The following STK32B variants were observed in gnomAD, a reference collection of about 807,000 sequenced individuals.
STK32B encodes serine/threonine-protein kinase 32B.
Under a neutral mutation model 52.6 loss-of-function variants are expected in STK32B, and 43 were observed. The ratio of observed to expected loss-of-function variants is 0.82; its 90% confidence interval spans 0.64 to 1.05. The LOEUF is 1.05. Ranked by LOEUF, STK32B falls within the 50% of genes least tolerant of loss-of-function variation. The pLI, the probability that STK32B is intolerant of heterozygous loss-of-function variation, is 0.00. For synonymous variants in STK32B, 238 were observed against 204.3 expected (o/e 1.17, Z -1.41); for missense variants, 621 against 534.6 (o/e 1.16, Z -1.59).
chr4:5,302,561 T>C, intron 3 of STK32B, among the ~76,000 whole-genome samples: 1 of 152,148 alleles, frequency 6.6e-6, no homozygotes, highest in East Asian at 1.9e-4. Flanking sequence ...AACCATTTAC[T>C]GAAAATATCA....
intron 1 of STK32B, among the ~76,000 whole-genome samples, chr4:5,053,065 T>G (rs998087546): frequency 6.6e-6 from 1 of 152,220 alleles, no homozygotes; most frequent in Non-Finnish European, 1.5e-5. Flanking sequence ...GGATGGCTTC[T>G]AGAACTCCCA....
At chr4:5,365,819 C>T (rs1193819806) in intron 4 of STK32B, among the ~76,000 whole-genome samples, 2 of 152,148 alleles carry the variant, frequency 1.3e-5, no homozygotes, top group African/African-American at 4.8e-5. Flanking sequence ...AAGTTACAAA[C>T]GCGAGCGTGC....
intron 4 of STK32B, among the ~76,000 whole-genome samples, chr4:5,353,581 C>G (rs1259711841): frequency 1.3e-5 from 2 of 151,476 alleles, no homozygotes; most frequent in Non-Finnish European, 2.9e-5. Flanking sequence ...GGGCAAATGA[C>G]ATGAATAGAT....
At chr4:5,099,457 C>CGCACGT (rs1553823557) in intron 1 of STK32B, among the ~76,000 whole-genome samples, 8 of 146,172 alleles carry the variant, frequency 5.5e-5, no homozygotes, top group Non-Finnish European at 8.9e-5. Context: ...TGTGCGCGCG[C>CGCACGT]GCGTATGTGA....
At chr4:5,169,409 C>G (rs527652350) in intron 3 of STK32B, among the ~76,000 whole-genome samples, 1 of 152,196 alleles carries the variant, frequency 6.6e-6, no homozygotes, top group African/African-American at 2.4e-5. Context: ...GACCCACTGA[C>G]CTTAAGAGTT....
At position 5,074,676 on chromosome 4, in the gene STK32B, T is replaced by G. The variant is rs1711975585; in HGVS notation, c.52+22761T>G. Among the ~76,000 whole-genome samples the G allele has an allele frequency of 2.0e-5, 3 of 152,282 alleles. No homozygotes were observed. The South Asian group carries it at 6.2e-4, about 32-fold the overall frequency. On this transcript the variant is annotated intron_variant, in intron 1 of 11. Coordinates refer to ENST00000282908, the MANE Select transcript of STK32B (RefSeq NM_018401.3). ...CTAGCATTATCATTTCAGAATGTTTTAATGAATATTACGCTATTTTATTCA... is the reference window on the plus strand; with the variant it reads ...CTAGCATTATCATTTCAGAATGTTTGAATGAATATTACGCTATTTTATTCA...
chr4:5,429,881 T>G (rs1713425870), intron 6 of STK32B, among the ~76,000 whole-genome samples: 1 of 152,110 alleles, frequency 6.6e-6, no homozygotes, highest in African/African-American at 2.4e-5. Flanking sequence ...TTTTTTTTCC[T>G]TAGTCACTTA....
intron 11 of STK32B, among the ~76,000 whole-genome samples, chr4:5,488,911 A>C (rs552663414): frequency 6.6e-6 from 1 of 152,052 alleles, no homozygotes; most frequent in African/African-American, 2.4e-5. Flanking sequence ...AATATATTTT[A>C]TGTCTGTCTT....
At chr4:5,181,366 A>G (rs891791079) in intron 3 of STK32B, among the ~76,000 whole-genome samples, 8 of 98,408 alleles carry the variant, frequency 8.1e-5, no homozygotes, top group Admixed American at 1.9e-4. Context: ...ACACACACAC[A>G]CAGAGATCTC....
chr4:5,128,595 G>A (rs1165339272), intron 1 of STK32B, among the ~76,000 whole-genome samples: 2 of 152,198 alleles, frequency 1.3e-5, no homozygotes, highest in African/African-American at 4.8e-5. Flanking sequence ...AGAAAGCAAA[G>A]CAGTTTTTAA....
intron 3 of STK32B, among the ~76,000 whole-genome samples, chr4:5,188,607 T>A (rs1323390605): frequency 6.6e-6 from 1 of 152,178 alleles, no homozygotes; most frequent in African/African-American, 2.4e-5. Context: ...CTCTTAAAAT[T>A]GTAAGCTGCT....
chr4:5,436,521 G>C, intron 6 of STK32B: 1 of 893,532 alleles, frequency 1.1e-6, no homozygotes. Context: ...TGACTCTCTG[G>C]TCAGCAGTGA....
intron 4 of STK32B, among the ~76,000 whole-genome samples, chr4:5,344,907 C>G (rs779598670): frequency 6.6e-6 from 1 of 151,906 alleles, no homozygotes; most frequent in African/African-American, 2.4e-5. Flanking sequence ...GGCAACATGG[C>G]AAAAACCCAT....
At chr4:5,401,083 A>C (rs544142523) in intron 5 of STK32B, among the ~76,000 whole-genome samples, 1 of 152,316 alleles carries the variant, frequency 6.6e-6, no homozygotes, top group Admixed American at 6.5e-5. Flanking sequence ...GAACTGCAGA[A>C]ACAAGAGGGG....
chr4:5,307,649 T>C (rs1267550449), intron 3 of STK32B, among the ~76,000 whole-genome samples: 1 of 152,006 alleles, frequency 6.6e-6, no homozygotes, highest in African/African-American at 2.4e-5. Flanking sequence ...TTCATTTGGA[T>C]CTATTGCTGG....
At chr4:5,266,527 G>A (rs28628294) in intron 3 of STK32B, among the ~76,000 whole-genome samples, 10,561 of 152,200 alleles carry the variant, frequency 0.069, 440 homozygotes, top group East Asian at 0.11. Flanking sequence ...GTGAACTCCG[G>A]GAAAAGGTGA....
intron 3 of STK32B, among the ~76,000 whole-genome samples, chr4:5,274,043 C>T (rs1282742355): frequency 3.3e-5 from 5 of 152,000 alleles, no homozygotes; most frequent in African/African-American, 4.8e-5. Flanking sequence ...CTCAATATTG[C>T]TAAGCTGTCA....
At position 5,197,599 on chromosome 4, in the gene STK32B, A is replaced by G. The variant is rs566476953; in HGVS notation, c.260+29149A>G. Among the ~76,000 whole-genome samples, 4 of 152,380 alleles carry G rather than the reference A, an allele frequency of 2.6e-5. No individual in the cohort carries two copies. In the South Asian group the frequency reaches 8.3e-4, roughly 32 times the overall value. ...TTCTGGGCTGCCAGATTTCATCACA[A>G]AGAATTCATTCAAGAAATATTGGTA... On this transcript the variant is annotated intron_variant, in intron 3 of 11. Transcript: ENST00000282908.
chr4:5,106,771 G>C (rs1714132305), intron 1 of STK32B, among the ~76,000 whole-genome samples: 1 of 152,034 alleles, frequency 6.6e-6, no homozygotes, highest in Non-Finnish European at 1.5e-5. Flanking sequence ...TACTTGTGTA[G>C]ATGGCCAATT....
Sources: gnomAD v4.1 joint callset for allele counts (sites outside exome capture counted in the v4.1 genomes callset) on GRCh38, gnomAD v4.1.1 for gene constraint, MANE v1.5 for transcripts, NCBI Gene and HGNC (gene_info 2026-07-23, HGNC 2026-07-21) for gene names.